The following PRKN variants were observed in gnomAD, a reference collection of about 807,000 sequenced individuals.
PRKN encodes the protein E3 ubiquitin-protein ligase parkin.
In PRKN, 56 loss-of-function variants were observed where a neutral mutation model predicts 59.5. That is an observed-to-expected ratio of 0.94 (90% CI 0.76 to 1.18). The LOEUF (loss-of-function observed/expected upper bound fraction) is 1.18, where lower values mean the gene tolerates loss of function less well. PRKN is among the 50% of genes most tolerant of loss of function. The pLI is 0.00. For missense variants in PRKN, 657 were observed against 596.4 expected, an observed-to-expected ratio of 1.10 and a Z score of -1.06; for synonymous variants, 250 against 222.1, an observed-to-expected ratio of 1.13 and a Z score of -1.12.
chr6:161,939,605 T>G (rs914430253), intron 6 of PRKN, among the ~76,000 whole-genome samples: 1 of 145,452 alleles, frequency 6.9e-6, no homozygotes, highest in African/African-American at 2.6e-5. Flanking sequence ...GGTGGTGGGT[T>G]CCTGTAATCC....
intron 2 of PRKN, among the ~76,000 whole-genome samples, chr6:162,344,929 T>A (rs1316939974): frequency 2.0e-5 from 3 of 152,220 alleles, no homozygotes; most frequent in Non-Finnish European, 4.4e-5. Flanking sequence ...AATGCTTCCA[T>A]GGTAATCAGT....
chr6:161,373,905 G>A lies in PRKN; in HGVS notation c.1167+12889C>T, dbSNP rs1203932875. On this transcript the variant is annotated intron_variant, in intron 10 of 11. Coordinates refer to ENST00000366898, the MANE Select transcript of PRKN (RefSeq NM_004562.3). This position sits in a 1 kb window ranked among gnomAD's most constrained non-coding sequence, Gnocchi z 4.8. ...GCTCCTCCTGGGGACACAGTCCTTC[G>A]ATTCCCTCTTGCCTGTTGTCGGCTG... Among the ~76,000 whole-genome samples the A allele has an allele frequency of 2.6e-5, 4 of 152,190 alleles. No homozygotes were observed. Among genetic ancestry groups the A allele is most frequent in the Non-Finnish European group, 5.9e-5 (4 of 68,034 alleles).
chr6:162,557,770 A>G (rs1779669318), intron 1 of PRKN, among the ~76,000 whole-genome samples: 1 of 152,186 alleles, frequency 6.6e-6, no homozygotes, highest in Non-Finnish European at 1.5e-5. Context: ...TCGGCCTCCC[A>G]GAGTGCTGGG....
chr6:162,370,187 G>A (rs570430800), intron 2 of PRKN, among the ~76,000 whole-genome samples: 20 of 152,194 alleles, frequency 1.3e-4, no homozygotes, highest in Non-Finnish European at 1.8e-4. Flanking sequence ...ACTGCATCTC[G>A]TTTTCTCATG....
intron 7 of PRKN, among the ~76,000 whole-genome samples, chr6:161,661,225 G>A (rs79234077): frequency 0.022 from 3,330 of 152,210 alleles, 106 homozygotes; most frequent in African/African-American, 0.076. Context: ...AAGAAAAGTG[G>A]AGACCCTCAC....
rs182129255 is a variant in PRKN, at chr6:162,412,487, A to G, written c.171+30823T>C. Among the ~76,000 whole-genome samples, 712 of 152,046 alleles carry G rather than the reference A, an allele frequency of 4.7e-3. 2 individuals are homozygous for G. The highest frequency in any genetic ancestry group is 7.2e-3 in the Non-Finnish European group (487 of 67,994). ...CAGTATACATTCAAACAAGCAGAAG[A>G]ACAACACGGGGTAAGGGCTACTTAA... On this transcript the variant is annotated intron_variant, in intron 2 of 11. Transcript: ENST00000366898.
At chr6:161,796,001 T>C (rs1790832613) in intron 6 of PRKN, among the ~76,000 whole-genome samples, 1 of 152,216 alleles carries the variant, frequency 6.6e-6, no homozygotes, top group Non-Finnish European at 1.5e-5. Flanking sequence ...ATAATGCTTC[T>C]ATAAGCCACA....
rs113123303 is a variant in PRKN at position 161,920,569 on chromosome 6, G to C, written c.734+52733C>G. On this transcript the variant is annotated intron_variant, in intron 6 of 11. Transcript: ENST00000366898. ...ACTTTGGGAGGCCGAAGTGGATCAC[G>C]AAGTCAAGAGATTGAGACCATCCTG... 1.9e-3 allele frequency among the ~76,000 whole-genome samples: 294 copies of C among 151,568 alleles called. 1 individual carries two copies. Among genetic ancestry groups the C allele is most frequent in the African/African-American group, 6.9e-3 (286 of 41,324 alleles).
At chr6:162,371,544 T>C (rs1171239568) in intron 2 of PRKN, among the ~76,000 whole-genome samples, 1 of 152,194 alleles carries the variant, frequency 6.6e-6, no homozygotes, top group African/African-American at 2.4e-5. Flanking sequence ...TCCTCATTTA[T>C]AAACATGAGA....
chr6:162,171,831 A>G (rs1783293601), intron 4 of PRKN, among the ~76,000 whole-genome samples: 1 of 152,094 alleles, frequency 6.6e-6, no homozygotes, highest in Non-Finnish European at 1.5e-5. Context: ...TATTTTCCTC[A>G]TATATGAGCC....
At chr6:162,092,452 A>C (rs1249469892) in intron 4 of PRKN, among the ~76,000 whole-genome samples, 1 of 152,228 alleles carries the variant, frequency 6.6e-6, no homozygotes. Context: ...TGATTATTAT[A>C]AAAAATTTTG....
At chr6:162,503,218 A>C (rs528189240) in intron 1 of PRKN, among the ~76,000 whole-genome samples, 126 of 141,678 alleles carry the variant, frequency 8.9e-4, no homozygotes, top group Non-Finnish European at 1.7e-3. Flanking sequence ...GCTGGAGTGC[A>C]ATGGCATGAT....
intron 7 of PRKN, among the ~76,000 whole-genome samples, chr6:161,638,172 G>T (rs1373215768): frequency 2.0e-5 from 3 of 149,760 alleles, no homozygotes; most frequent in African/African-American, 4.9e-5. Flanking sequence ...TCTCTCTTTT[G>T]CCCAGGCTGG....
chr6:162,362,615 TA>T (rs1387642574), intron 2 of PRKN, among the ~76,000 whole-genome samples: 1 of 152,118 alleles, frequency 6.6e-6, no homozygotes, highest in Non-Finnish European at 1.5e-5. Context: ...TTCTGTTAGA[TA>T]AATCAGACTA....
chr6:161,750,433 G>T (rs12190299), intron 7 of PRKN, among the ~76,000 whole-genome samples: 33,423 of 151,842 alleles, frequency 0.22, 3,957 homozygotes, highest in East Asian at 0.41. Context: ...ATCATGGCAT[G>T]TTTTTTTCTT....
At chr6:162,469,231 A>ATTC (rs1791586924) in intron 1 of PRKN, among the ~76,000 whole-genome samples, 3 of 151,544 alleles carry the variant, frequency 2.0e-5, no homozygotes, top group Admixed American at 2.0e-4. Context: ...ACTATAAGAA[A>ATTC]AGTTCAGAGG....
chr6:162,564,870 G>GAAAAAAAAAAAAAAA (rs36063884), intron 1 of PRKN, among the ~76,000 whole-genome samples: 1 of 119,160 alleles, frequency 8.4e-6, no homozygotes. Context: ...ACTTCAATCA[G>GAAAAAAAAAAAAAAA]AAAAAAAAAA....
At chr6:162,523,028 T>A (rs908769009) in intron 1 of PRKN, among the ~76,000 whole-genome samples, 1 of 152,222 alleles carries the variant, frequency 6.6e-6, no homozygotes, top group Admixed American at 6.5e-5. Flanking sequence ...TCATGGCTCA[T>A]GCCTTCCTGA....
At chr6:161,764,471 A>G (rs1423454018) in intron 7 of PRKN, among the ~76,000 whole-genome samples, 2 of 152,226 alleles carry the variant, frequency 1.3e-5, no homozygotes, top group Non-Finnish European at 2.9e-5. Flanking sequence ...GATACAAATT[A>G]TATCATTCAA....
Sources: gnomAD v4.1 joint callset for allele counts (sites outside exome capture counted in the v4.1 genomes callset) on GRCh38, gnomAD v4.1.1 for gene constraint, Gnocchi (gnomAD v3.1) non-coding constraint, MANE v1.5 for transcripts, NCBI Gene and HGNC (gene_info 2026-07-23, HGNC 2026-07-21) for gene names.